The following LINGO2 variants were observed in gnomAD, a reference collection of about 807,000 sequenced individuals.
LINGO2 encodes leucine-rich repeat and immunoglobulin-like domain-containing nogo receptor-interacting protein 2.
LINGO2 carries 14 observed loss-of-function variants against 30.6 expected under a neutral mutation model. The observed-to-expected ratio is 0.46, with a 90% CI of 0.30 to 0.72. LINGO2 has a LOEUF of 0.72. LINGO2 is among the 30% of genes least tolerant of loss of function. The probability of loss-of-function intolerance (pLI) is 0.07; values close to 1 mark genes in which losing one functional copy is unlikely to be tolerated. For synonymous variants in LINGO2, 317 were observed against 288.5 expected (o/e 1.10, Z -1.00); for missense variants, 729 against 751.7 (o/e 0.97, Z 0.35).
intron 4 of LINGO2, among the ~76,000 whole-genome samples, chr9:28,244,833 A>T (rs1249671761): frequency 7.0e-6 from 1 of 143,084 alleles, no homozygotes; most frequent in East Asian, 2.1e-4. Context: ...AAAAAAAAAA[A>T]GCCCAGGACC....
At chr9:27,944,358 A>T (rs1379271223), downstream of LINGO2, 2 of 152,074 alleles carry the variant, frequency 1.3e-5, no homozygotes, top group African/African-American at 4.8e-5. Flanking sequence ...TATCCTGTAC[A>T]CCTATGTTGT....
At chr9:28,612,843 G>A (rs1284990107) in intron 1 of LINGO2, among the ~76,000 whole-genome samples, 4 of 152,044 alleles carry the variant, frequency 2.6e-5, no homozygotes, top group African/African-American at 9.7e-5. Flanking sequence ...GGGGGAGCCA[G>A]GGGGTGAAAT....
At chr9:28,827,995 C>T in the LINGO2 span, among the ~76,000 whole-genome samples, 4 of 151,766 alleles carry the variant, frequency 2.6e-5, no homozygotes, top group Non-Finnish European at 4.4e-5. Context: ...TAGACAATAT[C>T]TTGAAAAATA....
In LINGO2 at chr9:28,650,037, A is replaced by G. The variant is rs551892140; in HGVS notation, c.-365+20163T>C. 9.8e-3 allele frequency among the ~76,000 whole-genome samples: 1,431 copies of G among 145,822 alleles called. 21 individuals carry two copies. The highest frequency in any genetic ancestry group is 0.034 in the African/African-American group (1,353 of 39,902). On this transcript the variant is annotated intron_variant, in intron 1 of 5. Coordinates refer to ENST00000379992, the Ensembl canonical transcript of LINGO2. The stretch of plus-strand genomic sequence containing the variant: ...GTTGAAATGAATTTACTGGCAGGGG[A>G]AAAAAAAAAACAACAACAAACACTA...
the LINGO2 span, among the ~76,000 whole-genome samples, chr9:28,805,663 G>C: frequency 6.6e-6 from 1 of 152,260 alleles, no homozygotes; most frequent in East Asian, 1.9e-4. Context: ...TTAAGATAAA[G>C]AGATGACTCT....
intron 1 of LINGO2, among the ~76,000 whole-genome samples, chr9:28,555,652 C>A (rs946960219): frequency 6.6e-6 from 1 of 151,958 alleles, no homozygotes; most frequent in Non-Finnish European, 1.5e-5. Context: ...TTTTATGAGG[C>A]CAGCATCATT....
chr9:28,000,637 C>A (rs1243310186), intron 5 of LINGO2, among the ~76,000 whole-genome samples: 2 of 152,202 alleles, frequency 1.3e-5, no homozygotes, highest in African/African-American at 4.8e-5. Flanking sequence ...TGAGCAGTAT[C>A]TGAATGTCTG....
the LINGO2 span, among the ~76,000 whole-genome samples, chr9:29,209,408 A>G: frequency 1.3e-5 from 2 of 152,166 alleles, no homozygotes; most frequent in Non-Finnish European, 2.9e-5. Flanking sequence ...TAAGACTATC[A>G]CCCACTTAAA....
At chr9:29,144,119 C>T in the LINGO2 span, among the ~76,000 whole-genome samples, 1 of 152,152 alleles carries the variant, frequency 6.6e-6, no homozygotes, top group East Asian at 1.9e-4. Flanking sequence ...TCTGTTCCAT[C>T]GGTTTATGTG....
At chr9:27,956,486 G>A (rs1819575256) in intron 5 of LINGO2, among the ~76,000 whole-genome samples, 1 of 151,962 alleles carries the variant, frequency 6.6e-6, no homozygotes, top group Admixed American at 6.6e-5. Flanking sequence ...AATATTTTAT[G>A]CTCATCTATG....
At chr9:28,674,182 C>T (rs567505895), upstream of LINGO2, among the ~76,000 whole-genome samples, 6 of 152,198 alleles carry the variant, frequency 3.9e-5, no homozygotes, top group East Asian at 1.9e-4. Flanking sequence ...TTCAAACAAA[C>T]GTGACCCTAA....
At chr9:28,861,296 A>T in the LINGO2 span, among the ~76,000 whole-genome samples, 1 of 126,792 alleles carries the variant, frequency 7.9e-6, no homozygotes, top group Admixed American at 1.0e-4. Flanking sequence ...TATATTTTAT[A>T]TATTATATAT....
intron 1 of LINGO2, among the ~76,000 whole-genome samples, chr9:28,593,998 T>C (rs1468877711): frequency 6.6e-6 from 1 of 151,630 alleles, no homozygotes; most frequent in African/African-American, 2.4e-5. Context: ...GCTTTCACTA[T>C]TTAAAAAAAA....
chr9:28,883,628 G>GTGTGTATGTGTATATATATATA, the LINGO2 span, among the ~76,000 whole-genome samples: 7 of 64,176 alleles, frequency 1.1e-4, no homozygotes, highest in Admixed American at 3.9e-4. Context: ...ATGTGTGTGT[G>GTGTGTATGTGTATATATATATA]TATATATATA....
chr9:27,988,300 C>A (rs986486536), intron 5 of LINGO2, among the ~76,000 whole-genome samples: 3 of 152,034 alleles, frequency 2.0e-5, no homozygotes, highest in African/African-American at 7.2e-5. Flanking sequence ...AATAGTGCCA[C>A]AATAAACATA....
chr9:29,017,109 T>C, the LINGO2 span, among the ~76,000 whole-genome samples: 1 of 152,234 alleles, frequency 6.6e-6, no homozygotes, highest in South Asian at 2.1e-4. Context: ...TATGTTGTTA[T>C]TAAAATTAAT....
At chr9:29,076,936 C>T in the LINGO2 span, among the ~76,000 whole-genome samples, 1 of 152,034 alleles carries the variant, frequency 6.6e-6, no homozygotes, top group African/African-American at 2.4e-5. Context: ...GGAAGCCATA[C>T]CAAGCTGAAT....
the LINGO2 span, among the ~76,000 whole-genome samples, chr9:28,863,369 T>G: frequency 6.6e-6 from 1 of 152,026 alleles, no homozygotes; most frequent in Non-Finnish European, 1.5e-5. Flanking sequence ...ACAAATTACT[T>G]TTCAAAAAAA....
intron 1 of LINGO2, among the ~76,000 whole-genome samples, chr9:28,509,312 G>A (rs890199007): frequency 1.3e-5 from 2 of 152,136 alleles, no homozygotes; most frequent in Admixed American, 6.6e-5. Flanking sequence ...ATAATATTCA[G>A]CCTTTCTACT....
Sources: allele counts gnomAD v4.1 joint callset (sites outside exome capture counted in the v4.1 genomes callset), GRCh38; gene constraint gnomAD v4.1.1; transcripts MANE v1.5; gene names NCBI Gene and HGNC (gene_info 2026-07-23, HGNC 2026-07-21).